SEC23B: variants seen among roughly 807,000 people sequenced by gnomAD.
SEC23B encodes SEC23 homolog B, COPII component, also known as protein transport protein Sec23B.
SEC23B carries 77 observed loss-of-function variants against 104.3 expected under a neutral mutation model. The observed-to-expected ratio is 0.74, with a 90% CI of 0.61 to 0.89. SEC23B has a LOEUF of 0.89. SEC23B is among the 40% of genes least tolerant of loss of function. SEC23B has a pLI of 0.00. For synonymous variants in SEC23B, 338 were observed against 332.5 expected (o/e 1.02, Z -0.18); for missense variants, 885 against 949.4 (o/e 0.93, Z 0.89).
chr20:18,555,872 A>G (rs963990819), intron 19 of SEC23B, among the ~76,000 whole-genome samples: 11 of 151,916 alleles, frequency 7.2e-5, no homozygotes, highest in African/African-American at 2.4e-4. Flanking sequence ...CTTTATTTCT[A>G]TTATTGTTAC....
At chr20:18,530,895 G>T (rs1285439195) in intron 10 of SEC23B, 92 bp downstream of exon 10, 20 of 1,003,568 alleles carry the variant, frequency 2.0e-5, no homozygotes, top group Non-Finnish European at 2.9e-5. Context: ...TCCCGCCTCA[G>T]CGTCCTAAAG....
chr20:18,541,844 G>A (rs988761770), intron 12 of SEC23B, among the ~76,000 whole-genome samples: 3 of 152,104 alleles, frequency 2.0e-5, no homozygotes, highest in Non-Finnish European at 4.4e-5. Context: ...GAAAACTTGC[G>A]CCAATAGTCT....
At chr20:18,515,796 C>G in intron 4 of SEC23B, 60 bp downstream of exon 4, 3 of 1,075,970 alleles carry the variant, frequency 2.8e-6, no homozygotes, top group Non-Finnish European at 4.3e-6. Flanking sequence ...TCTTGAAATC[C>G]TTTGTCTTCC....
intron 14 of SEC23B, among the ~76,000 whole-genome samples, chr20:18,544,724 T>C (rs1045215262): frequency 5.9e-5 from 9 of 152,294 alleles, no homozygotes; most frequent in Non-Finnish European, 1.0e-4. Flanking sequence ...GTGAGGCACA[T>C]TGCAGAGAGA....
chr20:18,543,365 T>A (rs1298156059), intron 14 of SEC23B, among the ~76,000 whole-genome samples, 193 bp downstream of exon 14: 8 of 152,206 alleles, frequency 5.3e-5, no homozygotes, highest in East Asian at 1.9e-4. Flanking sequence ...ACATTATAGT[T>A]GGGAAGAAAC....
Position 18,516,162 on chromosome 20 carries a change from C to T in SEC23B, c.366+426C>T, listed in dbSNP as rs1159167977. Among the ~76,000 whole-genome samples the T allele has an allele frequency of 3.3e-5, 5 of 152,146 alleles. No homozygotes were observed. In the East Asian group the frequency reaches 7.7e-4, roughly 23 times the overall value. ...ACCAGCTGCCCTGGGCCAGCCACTC[C>T]TTCTTACTTGAATCTTCTAATTGTT... On this transcript the variant is annotated intron_variant, in intron 4 of 19. Transcript: ENST00000650089.
chr20:18,509,412 A>C (rs1472952523), intron 1 of SEC23B, among the ~76,000 whole-genome samples: 2 of 152,202 alleles, frequency 1.3e-5, no homozygotes, highest in East Asian at 3.8e-4. Flanking sequence ...CTTTAATTTG[A>C]TAGACTCTTT....
intron 17 of SEC23B, among the ~76,000 whole-genome samples, chr20:18,551,488 C>A (rs1270332063): frequency 1.3e-5 from 2 of 152,064 alleles, no homozygotes; most frequent in Non-Finnish European, 2.9e-5. Context: ...CTGAGGTGGG[C>A]AGATCACCTG....
chr20:18,518,063 T>C (rs180734464), intron 4 of SEC23B, among the ~76,000 whole-genome samples: 221 of 152,288 alleles, frequency 1.5e-3, no homozygotes, highest in Non-Finnish European at 1.9e-3. Flanking sequence ...CTACCGTTCC[T>C]GAAGATTGAG....
intron 19 of SEC23B, among the ~76,000 whole-genome samples, chr20:18,556,839 A>C (rs1436277795): frequency 6.6e-6 from 1 of 152,176 alleles, no homozygotes; most frequent in South Asian, 2.1e-4. Context: ...TCTACCAAAA[A>C]TACAAAAATT....
rs778871078 is a variant in SEC23B, at chr20:18,532,647, T to C, written c.1234-17T>C. On this transcript the variant is annotated splice_polypyrimidine_tract_variant and intron_variant, in intron 10 of 19. Transcript: ENST00000650089. The stretch of plus-strand genomic sequence containing the variant: ...TGAAGTGATCTTTAACTTTACACTG[T>C]CACATATTTGTTATAGACCTCTCGG... 3 of 1,582,924 alleles carry C rather than the reference T, an allele frequency of 1.9e-6. No homozygotes were observed.
chr20:18,515,831 T>C, intron 4 of SEC23B, 95 bp downstream of exon 4: 1 of 833,270 alleles, frequency 1.2e-6, no homozygotes, highest in Admixed American at 1.8e-5. Flanking sequence ...GGCAGGGGAC[T>C]TAAAGCTGTG....
chr20:18,546,912 T>G (rs1029355538), intron 15 of SEC23B, among the ~76,000 whole-genome samples: 3 of 145,748 alleles, frequency 2.1e-5, no homozygotes, highest in East Asian at 1.9e-4. Flanking sequence ...AGTTTTTTTT[T>G]TTTTTTTTTT....
intron 12 of SEC23B, among the ~76,000 whole-genome samples, chr20:18,537,210 T>G (rs185609343): frequency 4.0e-5 from 6 of 151,434 alleles, no homozygotes; most frequent in Non-Finnish European, 7.4e-5. Flanking sequence ...GAACTAGAAA[T>G]ACCATTTGAC....
intron 14 of SEC23B, among the ~76,000 whole-genome samples, chr20:18,544,714 G>A (rs1445810432): frequency 6.6e-6 from 1 of 152,206 alleles, no homozygotes; most frequent in East Asian, 1.9e-4. Context: ...ATATCACCAT[G>A]TGAGGCACAT....
At chr20:18,531,922 G>A (rs2060191825) in intron 10 of SEC23B, among the ~76,000 whole-genome samples, 1 of 152,022 alleles carries the variant, frequency 6.6e-6, no homozygotes. Context: ...ACCTCGTGTG[G>A]TGGTGCACAC....
At chr20:18,514,996 A>G (rs924797579) in intron 3 of SEC23B, among the ~76,000 whole-genome samples, 1 of 152,234 alleles carries the variant, frequency 6.6e-6, no homozygotes, top group Non-Finnish European at 1.5e-5. Context: ...TTTGCAGGGC[A>G]AAACTTAAGA....
chr20:18,547,084 ACT>A lies in SEC23B; in HGVS notation c.1743+1054_1743+1055del, dbSNP rs1335778944. Among the ~76,000 whole-genome samples, 4 of 151,690 alleles carry A rather than the reference ACT, an allele frequency of 2.6e-5. No individual in the cohort carries two copies. The East Asian group carries it at 7.8e-4, about 30-fold the overall frequency. On this transcript the variant is annotated intron_variant, in intron 15 of 19. Transcript: ENST00000650089. ...CTGGGCCCCTGAGGACTTGATGAAG[ACT>A]CTAAGAGCACAGCTTGAAAACCAGA...
At chr20:18,540,984 C>T (rs1327468343) in intron 12 of SEC23B, among the ~76,000 whole-genome samples, 1 of 152,262 alleles carries the variant, frequency 6.6e-6, no homozygotes, top group Admixed American at 6.5e-5. Context: ...CTTCTTCCAA[C>T]TACACTGAAA....
Sources: allele counts gnomAD v4.1 joint callset (sites outside exome capture counted in the v4.1 genomes callset), GRCh38; gene constraint gnomAD v4.1.1; transcripts MANE v1.5; gene names NCBI Gene and HGNC (gene_info 2026-07-23, HGNC 2026-07-21).